The following PRPF19 variants were observed in gnomAD, a reference collection of about 807,000 sequenced individuals.
PRPF19 encodes the protein pre-mRNA processing factor 19.
PRPF19 carries 2 observed loss-of-function variants against 64.2 expected under a neutral mutation model. The observed-to-expected ratio is 0.03, with a 90% CI of 0.01 to 0.10. The LOEUF (loss-of-function observed/expected upper bound fraction) is 0.10, where lower values mean the gene tolerates loss of function less well. Ranked by LOEUF, PRPF19 falls within the 10% of genes least tolerant of loss-of-function variation. The pLI is 1.00. For synonymous variants in PRPF19, 226 were observed against 251.6 expected, an observed-to-expected ratio of 0.90 and a Z score of 0.96; for missense variants, 314 against 650.0, an observed-to-expected ratio of 0.48 and a Z score of 5.62.
At chr11:60,895,398 T>C (rs967540640) in intron 15 of PRPF19, among the ~76,000 whole-genome samples, 5 of 152,236 alleles carry the variant, frequency 3.3e-5, no homozygotes, top group Non-Finnish European at 4.4e-5. Flanking sequence ...AACTTTTCTT[T>C]TGTAGCTTCC....
In PRPF19 at chr11:60,902,337, G is replaced by T; in HGVS notation, c.525+66C>A. 2 of 1,529,702 alleles carry T rather than the reference G, an allele frequency of 1.3e-6. No homozygotes were observed. The highest frequency in any genetic ancestry group is 1.1e-5 in the South Asian group (1 of 88,546). 94.8% of individuals were successfully genotyped at this position (1,529,702 alleles called of 1,614,324 possible). On this transcript the variant is annotated intron_variant, in intron 6 of 15. Transcript: ENST00000227524. This position sits in a 1 kb window ranked among gnomAD's most constrained non-coding sequence, Gnocchi z 5.0. Reference sequence around the variant, plus strand: ...AAGCACAGTGATTTTAGTCACGATGGACTCCAGACAGATGGTGAAAAGTAA... The same window carrying T: ...AAGCACAGTGATTTTAGTCACGATGTACTCCAGACAGATGGTGAAAAGTAA...
intron 15 of PRPF19, among the ~76,000 whole-genome samples, chr11:60,897,399 G>A (rs900677722): frequency 5.5e-4 from 83 of 152,210 alleles, no homozygotes; most frequent in Admixed American, 5.4e-3. Flanking sequence ...CGCACATGAC[G>A]ATATCACCTA....
At position 60,906,419 on chromosome 11, in the gene PRPF19, G is replaced by T; in HGVS notation, c.-37C>A. 6.5e-7 allele frequency: 1 copy of T among 1,546,602 alleles called. No homozygotes were observed. Among genetic ancestry groups the T allele is most frequent in the South Asian group, 1.2e-5 (1 of 84,326 alleles). On this transcript the variant is annotated 5_prime_UTR_variant, in exon 1 of 16. Transcript: ENST00000227524. ...CGTGCTCCGAGGCGCCACACGCCGG[G>T]CTCCGGGACTAGCTTCTGAGCCTCC...
Position 60,900,584 on chromosome 11 carries a change from G to T in PRPF19, c.826C>A (p.Gln276Lys), listed in dbSNP as rs891516684. The change falls in exon 10 of 16, where the codon CAG becomes AAG. Residue 276 changes from glutamine to lysine, a missense_variant and splice_region_variant. Gln to Lys is a moderately conservative substitution (Grantham distance 53). This residue lies in a region of PRPF19 where 175 missense variants were observed against 342.9 expected (regional missense o/e 0.51). Coordinates refer to ENST00000227524, the MANE Select transcript of PRPF19 (RefSeq NM_014502.5). Reference sequence around the variant, plus strand: ...GGGTGGCGAGGAGAACCCCTTACCTGGGAAGGGTGAAACACCACGCTGGTG... The same window carrying T: ...GGGTGGCGAGGAGAACCCCTTACCTTGGAAGGGTGAAACACCACGCTGGTG... Reference protein sequence around the residue: ...KVTSVVFHPSQDLVFSASPDA... With the variant: ...KVTSVVFHPSKDLVFSASPDA... 6.5e-7 allele frequency: 1 copy of T among 1,548,974 alleles called. No individual in the cohort carries two copies. The highest frequency in any genetic ancestry group is 1.4e-5 in the African/African-American group (1 of 73,010).
chr11:60,899,569 A>G lies in PRPF19; in HGVS notation c.829-265T>C, dbSNP rs577448608. Among the ~76,000 whole-genome samples the G allele has an allele frequency of 1.2e-3, 180 of 152,338 alleles. 2 individuals carry two copies. Among genetic ancestry groups the G allele is most frequent in the African/African-American group, 4.1e-3 (172 of 41,576 alleles). On this transcript the variant is annotated intron_variant, in intron 10 of 15. Transcript: ENST00000227524. ...AAAAGGCTAACTGCAACAGAGAGCA[A>G]TTTTCCCATTTCCAGGACCAAAGGA...
At chr11:60,903,584 C>A in intron 2 of PRPF19, 49 bp from the exon 3 acceptor site, 6 of 1,602,644 alleles carry the variant, frequency 3.7e-6, no homozygotes, top group Non-Finnish European at 5.1e-6. Flanking sequence ...GGGGCCTCCC[C>A]CGCCATCACA....
intron 15 of PRPF19, among the ~76,000 whole-genome samples, chr11:60,895,142 T>G (rs369995927): frequency 1.3e-5 from 2 of 152,378 alleles, no homozygotes; most frequent in Admixed American, 6.5e-5. Flanking sequence ...CTTTGCATCT[T>G]GGAAACCAGG....
intron 15 of PRPF19, among the ~76,000 whole-genome samples, chr11:60,894,882 T>C (rs1176826133): frequency 6.6e-6 from 1 of 152,232 alleles, no homozygotes; most frequent in Admixed American, 6.5e-5. Context: ...AGGTGCACTG[T>C]AATATTTTGA....
At position 60,898,469 on chromosome 11, in the gene PRPF19, C is replaced by CATTATTTGTGGCTA; in HGVS notation, c.1140+71_1140+72insTAGCCACAAATAAT. ...CTTCAGGGCCAGGTGCCACAAGCACCTAATTAGCACTGCATTGTCACAAAC... is the reference window on the plus strand; with the variant it reads ...CTTCAGGGCCAGGTGCCACAAGCACCATTATTTGTGGCTATAATTAGCACTGCATTGTCACAAAC... On this transcript the variant is annotated intron_variant, in intron 13 of 15. Transcript: ENST00000227524. The surrounding 1 kb of genome is among the most constrained non-coding windows in gnomAD (Gnocchi z 4.6). 6.2e-7 allele frequency: 1 copy of CATTATTTGTGGCTA among 1,608,132 alleles called. No homozygotes were observed. Among genetic ancestry groups the CATTATTTGTGGCTA allele is most frequent in the Non-Finnish European group, 8.5e-7 (1 of 1,176,708 alleles).
intron 15 of PRPF19, 176 bp downstream of exon 15, chr11:60,897,670 T>G: frequency 1.8e-6 from 1 of 564,256 alleles, no homozygotes; most frequent in Non-Finnish European, 3.1e-6. Flanking sequence ...AGCACTAGCA[T>G]CTACTGCCAT....
intron 10 of PRPF19, among the ~76,000 whole-genome samples, chr11:60,899,634 T>A (rs2134862195): frequency 6.6e-6 from 1 of 152,324 alleles, no homozygotes; most frequent in Non-Finnish European, 1.5e-5. Flanking sequence ...AATTTTTTAT[T>A]CTATTTCATT....
chr11:60,901,260 G>T, intron 8 of PRPF19, 35 bp downstream of exon 8: 2 of 1,607,322 alleles, frequency 1.2e-6, no homozygotes, highest in Non-Finnish European at 1.7e-6. Context: ...AAACGGGAGG[G>T]CTGTCTCCAA....
chr11:60,903,555 G>A lies in PRPF19; in HGVS notation c.170-20C>T, dbSNP rs1358747253. 1.2e-6 allele frequency: 2 copies of A among 1,613,284 alleles called. No homozygotes were observed. Among genetic ancestry groups the A allele is most frequent in the Admixed American group, 3.3e-5 (2 of 59,934 alleles). ...GAGCAACTGCCGAAAGGGAAAGCAGGTATGAAGAACATAACCCAGGGGCCT... is the reference window on the plus strand; with the variant it reads ...GAGCAACTGCCGAAAGGGAAAGCAGATATGAAGAACATAACCCAGGGGCCT... On this transcript the variant is annotated intron_variant, in intron 2 of 15. Coordinates refer to ENST00000227524, the MANE Select transcript of PRPF19 (RefSeq NM_014502.5).
At chr11:60,891,734 C>T (rs1004978181) in intron 15 of PRPF19, among the ~76,000 whole-genome samples, 2 of 152,214 alleles carry the variant, frequency 1.3e-5, no homozygotes, top group Admixed American at 1.3e-4. Flanking sequence ...AATTCATGAA[C>T]ATCTGGCCAA....
At chr11:60,897,586 T>C (rs1232796272) in intron 15 of PRPF19, 2 of 364,362 alleles carry the variant, frequency 5.5e-6, no homozygotes, top group Non-Finnish European at 1.0e-5. Context: ...GATTCAGTTA[T>C]CAAAACTTCA....
In PRPF19 at chr11:60,902,568, A is replaced by G; in HGVS notation, c.462+15T>C. The G allele has an allele frequency of 6.2e-7, 1 of 1,611,020 alleles. No homozygotes were observed. Among genetic ancestry groups the G allele is most frequent in the South Asian group, 1.1e-5 (1 of 91,006 alleles). ...TACACAAATGGGCTGCTGGTAAGGG[A>G]AGGGGGACACTTACCACAACACTTG... is the stretch of plus-strand genomic sequence containing the variant. On this transcript the variant is annotated intron_variant, in intron 5 of 15. Transcript: ENST00000227524. This position sits in a 1 kb window ranked among gnomAD's most constrained non-coding sequence, Gnocchi z 5.0.
intron 15 of PRPF19, among the ~76,000 whole-genome samples, chr11:60,896,689 C>G (rs1281169015): frequency 6.6e-6 from 1 of 152,176 alleles, no homozygotes; most frequent in Non-Finnish European, 1.5e-5. Context: ...AACCTCTTTC[C>G]CTTATCAATT....
In PRPF19 at chr11:60,906,475, G is replaced by A; in HGVS notation, c.-93C>T. Reference sequence around the variant, plus strand: ...CCACTTCCGGTCCCCCGCTGCTGCCGGGACTGCTCCGCGGCGAGCTGGGAG... The same window carrying A: ...CCACTTCCGGTCCCCCGCTGCTGCCAGGACTGCTCCGCGGCGAGCTGGGAG... On this transcript the variant is annotated 5_prime_UTR_variant, in exon 1 of 16. Coordinates refer to ENST00000227524, the MANE Select transcript of PRPF19 (RefSeq NM_014502.5). 3 of 1,379,282 alleles carry A rather than the reference G, an allele frequency of 2.2e-6. No homozygotes were observed. The highest frequency in any genetic ancestry group is 2.5e-5 in the East Asian group (1 of 39,490). The allele number at this position is 1,379,282 out of a possible 1,614,324, so 85.4% of individuals were successfully genotyped here. A position where few individuals can be genotyped will look rare whatever the true frequency, so the allele number is the denominator to read the frequency against.
At chr11:60,903,988 T>C (rs1856014953) in intron 1 of PRPF19, 127 bp from the exon 2 acceptor site, 3 of 1,201,698 alleles carry the variant, frequency 2.5e-6, no homozygotes, top group East Asian at 5.0e-5. Flanking sequence ...GCAAGACATT[T>C]GACCCTAAGC....
Sources: allele counts gnomAD v4.1 joint callset (sites outside exome capture counted in the v4.1 genomes callset), GRCh38; gene constraint gnomAD v4.1.1; regional missense constraint gnomAD v4.1.1; non-coding constraint Gnocchi (gnomAD v3.1); transcripts MANE v1.5; gene names NCBI Gene and HGNC (gene_info 2026-07-23, HGNC 2026-07-21).